TAFA1: variants seen among roughly 807,000 people sequenced by gnomAD.
TAFA1 encodes the protein chemokine-like protein TAFA-1.
Under a neutral mutation model 18.5 loss-of-function variants are expected in TAFA1, and 4 were observed. The observed-to-expected ratio is 0.22, with a 90% CI of 0.11 to 0.49. The LOEUF (loss-of-function observed/expected upper bound fraction) is 0.49, where lower values mean the gene tolerates loss of function less well. Among genes scored for constraint, TAFA1 ranks in the 20% least tolerant of loss-of-function variants. The probability of loss-of-function intolerance (pLI) is 0.98; values close to 1 mark genes in which losing one functional copy is unlikely to be tolerated. For synonymous variants in TAFA1, 56 were observed against 55.2 expected, an observed-to-expected ratio of 1.01 and a Z score of -0.06; for missense variants, 147 against 169.0, an observed-to-expected ratio of 0.87 and a Z score of 0.72.
At chr3:68,442,933 G>C (rs934339474) in intron 3 of TAFA1, among the ~76,000 whole-genome samples, 1 of 152,084 alleles carries the variant, frequency 6.6e-6, no homozygotes. Flanking sequence ...TGATGCAATA[G>C]ATATTTACTT....
At chr3:68,147,695 AT>A (rs5849806) in intron 2 of TAFA1, among the ~76,000 whole-genome samples, 5 of 152,028 alleles carry the variant, frequency 3.3e-5, no homozygotes, top group African/African-American at 9.6e-5. Flanking sequence ...AGGGCAAAAC[AT>A]TTTTTTTGTA....
rs958259218 is a variant in TAFA1, at chr3:68,438,422, C to T, written c.259+21002C>T. Among the ~76,000 whole-genome samples, 49 of 152,134 alleles carry T rather than the reference C, an allele frequency of 3.2e-4. 2 individuals are homozygous for T. ...CTCCATATCTGCATTTTCTGCACAC[C>T]AGTTGTGGTTGGGCCCCCAAGGCCT... On this transcript the variant is annotated intron_variant, in intron 3 of 4. Coordinates refer to ENST00000478136, the MANE Select transcript of TAFA1 (RefSeq NM_213609.4).
intron 2 of TAFA1, among the ~76,000 whole-genome samples, chr3:68,409,027 ATAT>A (rs1325454170): frequency 6.6e-6 from 1 of 152,206 alleles, no homozygotes; most frequent in Admixed American, 6.5e-5. Context: ...CACACTATAA[ATAT>A]TATTGTACAA....
chr3:68,002,896 A>T, upstream of TAFA1, among the ~76,000 whole-genome samples: 1 of 152,214 alleles, frequency 6.6e-6, no homozygotes, highest in East Asian at 1.9e-4. Flanking sequence ...ACTTTACAAG[A>T]CATACTATAG....
chr3:68,184,493 T>G (rs1398829716), intron 2 of TAFA1, among the ~76,000 whole-genome samples: 4 of 152,142 alleles, frequency 2.6e-5, no homozygotes, highest in African/African-American at 9.7e-5. Flanking sequence ...GAAAGAGAGC[T>G]GATTTTTATT....
At chr3:67,996,376 G>A in the TAFA1 span, among the ~76,000 whole-genome samples, 1 of 152,216 alleles carries the variant, frequency 6.6e-6, no homozygotes, top group Admixed American at 6.5e-5. Context: ...TTTCAAGAAA[G>A]GAGTGATATG....
At position 68,535,757 on chromosome 3, in the gene TAFA1, G is replaced by C. The variant is rs866553922; in HGVS notation, c.260-2999G>C. Among the ~76,000 whole-genome samples the C allele has an allele frequency of 9.9e-5, 15 of 152,062 alleles. No homozygotes were observed. In the South Asian group the frequency reaches 1.5e-3, roughly 15 times the overall value. ...GAACCAAAATAAGGATAGCTGCCTGGAAGACTCAGACCATAGTAATCTTGG... is the reference window on the plus strand; with the variant it reads ...GAACCAAAATAAGGATAGCTGCCTGCAAGACTCAGACCATAGTAATCTTGG... On this transcript the variant is annotated intron_variant, in intron 3 of 4. Coordinates refer to ENST00000478136, the MANE Select transcript of TAFA1 (RefSeq NM_213609.4).
intron 2 of TAFA1, among the ~76,000 whole-genome samples, chr3:68,076,513 C>T (rs75223296): frequency 9.4e-5 from 12 of 128,116 alleles, no homozygotes; most frequent in South Asian, 2.6e-4. Flanking sequence ...TGTGTCCATG[C>T]GATCTCATCG....
chr3:68,336,197 C>G (rs1307009284), intron 2 of TAFA1, among the ~76,000 whole-genome samples: 2 of 152,196 alleles, frequency 1.3e-5, no homozygotes, highest in African/African-American at 4.8e-5. Context: ...GTAAAAGGCA[C>G]CTAGCAGAGG....
At chr3:68,003,828 G>T (rs559611322), upstream of TAFA1, among the ~76,000 whole-genome samples, 1 of 152,128 alleles carries the variant, frequency 6.6e-6, no homozygotes, top group Non-Finnish European at 1.5e-5. Flanking sequence ...ATGCATATAC[G>T]CATCTATGTC....
At chr3:68,179,595 A>G (rs2066169829) in intron 2 of TAFA1, among the ~76,000 whole-genome samples, 1 of 152,134 alleles carries the variant, frequency 6.6e-6, no homozygotes, top group African/African-American at 2.4e-5. Flanking sequence ...TTATCTAGTG[A>G]TTTATTAAAG....
rs560590866 is a variant in TAFA1, at chr3:68,006,950, G to C, written c.118+206G>C. On this transcript the variant is annotated intron_variant, in intron 2 of 4. Coordinates refer to ENST00000478136, the MANE Select transcript of TAFA1 (RefSeq NM_213609.4). ...TTTCTATTAATTTCTCAGAAAAGGT[G>C]TGTTTTTCTAAGTGTCACCCCACCT... Among the ~76,000 whole-genome samples, 56 of 152,292 alleles carry C rather than the reference G, an allele frequency of 3.7e-4. No homozygotes were observed. The South Asian group carries it at 0.011, about 30-fold the overall frequency.
At chr3:68,105,161 C>T (rs1362780030) in intron 2 of TAFA1, among the ~76,000 whole-genome samples, 1 of 152,098 alleles carries the variant, frequency 6.6e-6, no homozygotes, top group Non-Finnish European at 1.5e-5. Flanking sequence ...CAACACCAAG[C>T]CATTTATGAG....
chr3:68,282,647 G>A lies in TAFA1; in HGVS notation c.119-134633G>A, dbSNP rs563752306. 2.7e-4 allele frequency among the ~76,000 whole-genome samples: 41 copies of A among 152,226 alleles called. No individual in the cohort carries two copies. In the South Asian group the frequency reaches 6.4e-3, roughly 24 times the overall value. ...TGTGTTCTGCTCCTTGGAGAACATCGTCTGAGTATCATAGCAAAATCAAGG... is the reference window on the plus strand; with the variant it reads ...TGTGTTCTGCTCCTTGGAGAACATCATCTGAGTATCATAGCAAAATCAAGG... On this transcript the variant is annotated intron_variant, in intron 2 of 4. Transcript: ENST00000478136.
intron 2 of TAFA1, among the ~76,000 whole-genome samples, chr3:68,148,629 A>C (rs1430855181): frequency 6.6e-6 from 1 of 152,054 alleles, no homozygotes; most frequent in Non-Finnish European, 1.5e-5. Context: ...TCTTTGTCAC[A>C]TTCCGTGCTG....
At chr3:68,250,059 G>A (rs185987918) in intron 2 of TAFA1, among the ~76,000 whole-genome samples, 14 of 152,238 alleles carry the variant, frequency 9.2e-5, no homozygotes, top group African/African-American at 2.9e-4. Context: ...TAAGTCATAC[G>A]ATAAATTCAT....
intron 2 of TAFA1, among the ~76,000 whole-genome samples, chr3:68,402,519 A>G (rs1024240002): frequency 6.6e-6 from 1 of 152,166 alleles, no homozygotes; most frequent in African/African-American, 2.4e-5. Flanking sequence ...AGGGGGAGTA[A>G]TAAATTTTTC....
In TAFA1 at chr3:68,535,417, A is replaced by G. The variant is rs74362451; in HGVS notation, c.260-3339A>G. On this transcript the variant is annotated intron_variant, in intron 3 of 4. Coordinates refer to ENST00000478136, the MANE Select transcript of TAFA1 (RefSeq NM_213609.4). ...AAAAAACAACTTTAAACTCTCAATC[A>G]TTCTATACCCTGTGGAGGATTTCTG... Among the ~76,000 whole-genome samples the G allele has an allele frequency of 8.4e-3, 1,277 of 151,220 alleles. 5 individuals are homozygous for G. Among genetic ancestry groups the G allele is most frequent in the Admixed American group, 0.013 (201 of 15,106 alleles).
intron 3 of TAFA1, among the ~76,000 whole-genome samples, chr3:68,506,749 A>G (rs991165126): frequency 6.6e-6 from 1 of 152,116 alleles, no homozygotes; most frequent in Non-Finnish European, 1.5e-5. Context: ...TGAGAACCTA[A>G]CAATGCCCAT....
Sources: allele counts gnomAD v4.1 joint callset (sites outside exome capture counted in the v4.1 genomes callset), GRCh38; gene constraint gnomAD v4.1.1; transcripts MANE v1.5; gene names NCBI Gene and HGNC (gene_info 2026-07-23, HGNC 2026-07-21).